The following SPTLC1 variants were observed in gnomAD, a reference collection of about 807,000 sequenced individuals.
The protein encoded by SPTLC1 is serine palmitoyltransferase 1.
Under a neutral mutation model 68.9 loss-of-function variants are expected in SPTLC1, and 55 were observed. The observed-to-expected ratio is 0.80, with a 90% CI of 0.64 to 1.00. The LOEUF (loss-of-function observed/expected upper bound fraction) is 1.00, where lower values mean the gene tolerates loss of function less well. SPTLC1 is among the 50% of genes least tolerant of loss of function. The pLI is 0.00. For synonymous variants in SPTLC1, 197 were observed against 201.6 expected (o/e 0.98, Z 0.19); for missense variants, 449 against 573.1 (o/e 0.78, Z 2.21).
At chr9:92,083,921 C>G (rs1835004479) in intron 3 of SPTLC1, among the ~76,000 whole-genome samples, 1 of 152,142 alleles carries the variant, frequency 6.6e-6, no homozygotes, top group Admixed American at 6.5e-5. Context: ...TTTCCTTGAG[C>G]AGTGGTTTGT....
At chr9:92,036,932 C>T (rs748378632) in intron 13 of SPTLC1, among the ~76,000 whole-genome samples, 4 of 152,236 alleles carry the variant, frequency 2.6e-5, no homozygotes, top group Non-Finnish European at 5.9e-5. Flanking sequence ...ACATCAGCTG[C>T]ATTTCCTCAC....
chr9:92,045,684 GGA>G (rs1475979276), intron 12 of SPTLC1, among the ~76,000 whole-genome samples: 2 of 152,112 alleles, frequency 1.3e-5, no homozygotes, highest in African/African-American at 4.8e-5. Flanking sequence ...GTGCAGACAT[GGA>G]GAGATGCTTC....
At chr9:92,035,782 C>T (rs1011069597) in intron 13 of SPTLC1, among the ~76,000 whole-genome samples, 4 of 152,140 alleles carry the variant, frequency 2.6e-5, no homozygotes, top group East Asian at 3.8e-4. Flanking sequence ...TCGTAGGCTG[C>T]GAGGAAGAGA....
intron 6 of SPTLC1, among the ~76,000 whole-genome samples, chr9:92,067,063 C>T (rs1404578455): frequency 6.6e-6 from 1 of 151,960 alleles, no homozygotes; most frequent in Non-Finnish European, 1.5e-5. Context: ...TTTGGGAGGC[C>T]GAGGCAGGTG....
intron 8 of SPTLC1, among the ~76,000 whole-genome samples, chr9:92,051,789 ATC>A (rs1162348777): frequency 5.9e-5 from 9 of 152,252 alleles, no homozygotes; most frequent in African/African-American, 2.2e-4. Context: ...ATACACAAAT[ATC>A]TGTTGTATTT....
chr9:92,053,032 C>A (rs184375082), intron 8 of SPTLC1, among the ~76,000 whole-genome samples: 116 of 151,150 alleles, frequency 7.7e-4, no homozygotes, highest in African/African-American at 2.8e-3. Flanking sequence ...ACAAGGAATT[C>A]TTTTAAAAAC....
intron 5 of SPTLC1, among the ~76,000 whole-genome samples, chr9:92,072,735 C>T (rs1223344798): frequency 6.6e-6 from 1 of 152,086 alleles, no homozygotes; most frequent in Non-Finnish European, 1.5e-5. Context: ...ACAGCACTTT[C>T]AATTTCTCTA....
chr9:92,096,609 G>A (rs1367129406), intron 3 of SPTLC1, among the ~76,000 whole-genome samples: 5 of 152,002 alleles, frequency 3.3e-5, no homozygotes, highest in South Asian at 2.1e-4. Context: ...TTCAACAAAC[G>A]GTGCTAGGAC....
intron 13 of SPTLC1, among the ~76,000 whole-genome samples, chr9:92,037,947 G>C (rs1439018304): frequency 6.6e-6 from 1 of 152,152 alleles, no homozygotes; most frequent in Non-Finnish European, 1.5e-5. Context: ...TTTCTGCAAG[G>C]CTAATTTTTC....
At chr9:92,079,904 C>T in intron 5 of SPTLC1, 112 bp downstream of exon 5, 1 of 920,502 alleles carries the variant, frequency 1.1e-6, no homozygotes, top group Admixed American at 1.7e-5. Context: ...ATCCTCCCAC[C>T]TCAGCCTCCC....
chr9:92,032,549 A>G lies in SPTLC1; in HGVS notation c.1338T>C (p.Val446=), dbSNP rs112405383. ...CCTCTGTTTGTTCCACCGTGACCACAACCCGAATGCTGAGAACAGTAAAGG... is the reference window on the plus strand; with the variant it reads ...CCTCTGTTTGTTCCACCGTGACCACGACCCGAATGCTGAGAACAGTAAAGG... ...EKCLPPPSIR[V]VVTVEQTEEE... is the part of the protein sequence containing the mutation. The change falls in exon 15 of 15, where the codon GTT becomes GTC. Residue 446 remains valine, a synonymous_variant. Transcript: ENST00000262554. 3.1e-6 allele frequency: 5 copies of G among 1,614,184 alleles called. No homozygotes were observed. In the Admixed American group the frequency reaches 8.3e-5, roughly 27 times the overall value.
intron 14 of SPTLC1, among the ~76,000 whole-genome samples, chr9:92,033,492 C>T (rs894890508): frequency 1.2e-4 from 18 of 152,202 alleles, no homozygotes; most frequent in Non-Finnish European, 1.9e-4. Flanking sequence ...GGGCACAAAA[C>T]CAGCACGGCT....
intron 5 of SPTLC1, among the ~76,000 whole-genome samples, chr9:92,070,485 T>C (rs773176006): frequency 2.0e-5 from 3 of 152,222 alleles, no homozygotes; most frequent in East Asian, 3.8e-4. Flanking sequence ...GAAGTGACCA[T>C]AGAGGGAGGT....
chr9:92,079,325 C>T (rs868241217), intron 5 of SPTLC1: 1 of 1,266,570 alleles, frequency 7.9e-7, no homozygotes, highest in Non-Finnish European at 1.0e-6. Flanking sequence ...ATCTGCCTGC[C>T]TCAGCCTTTG....
chr9:92,076,877 G>GTTAT (rs1161461132), intron 5 of SPTLC1: 1 of 152,192 alleles, frequency 6.6e-6, no homozygotes, highest in African/African-American at 2.4e-5. Flanking sequence ...GGCCACTGCA[G>GTTAT]TTATTTCCTT....
chr9:92,088,095 C>T (rs1211967621), intron 3 of SPTLC1, among the ~76,000 whole-genome samples: 3 of 152,174 alleles, frequency 2.0e-5, no homozygotes, highest in Admixed American at 6.5e-5. Context: ...TTAAGCGTGT[C>T]GGAAAAGCGC....
intron 3 of SPTLC1, among the ~76,000 whole-genome samples, chr9:92,086,197 A>G (rs1297401973): frequency 6.6e-6 from 1 of 151,906 alleles, no homozygotes; most frequent in Non-Finnish European, 1.5e-5. Flanking sequence ...TCTTTATCCA[A>G]TTTGCCAGTC....
intron 5 of SPTLC1, chr9:92,079,370 C>T: frequency 4.1e-6 from 6 of 1,450,338 alleles, no homozygotes; most frequent in Non-Finnish European, 5.4e-6. Context: ...GCCACCATGC[C>T]CGGCCTAAAC....
chr9:92,080,105 G>A lies in SPTLC1; in HGVS notation c.355-17C>T. On this transcript the variant is annotated splice_polypyrimidine_tract_variant and intron_variant, in intron 4 of 14. Transcript: ENST00000262554. Reference sequence around the variant, plus strand: ...AGCTGCTGCCTTTATTGAAGTACAAGAATTATACTTTAATAATTTATCTTT... The same window carrying A: ...AGCTGCTGCCTTTATTGAAGTACAAAAATTATACTTTAATAATTTATCTTT... The A allele has an allele frequency of 6.3e-7, 1 of 1,591,440 alleles. No individual in the cohort carries two copies. The highest frequency in any genetic ancestry group is 1.1e-5 in the South Asian group (1 of 90,630).
Sources: gnomAD v4.1 joint callset for allele counts (sites outside exome capture counted in the v4.1 genomes callset) on GRCh38, gnomAD v4.1.1 for gene constraint, MANE v1.5 for transcripts, NCBI Gene and HGNC (gene_info 2026-07-23, HGNC 2026-07-21) for gene names.